Variants in DPP6 observed in about 807,000 individuals in gnomAD.
The protein encoded by DPP6 is dipeptidyl peptidase like 6, also known as A-type potassium channel modulatory protein DPP6.
Under a neutral mutation model 122.6 loss-of-function variants are expected in DPP6, and 69 were observed. The observed-to-expected ratio is 0.56, with a 90% confidence interval of 0.46 to 0.69. The LOEUF is 0.69. Among genes scored for constraint, DPP6 ranks in the 30% least tolerant of loss-of-function variants. The pLI, the probability that DPP6 is intolerant of heterozygous loss-of-function variation, is 0.00. For synonymous variants in DPP6, 418 were observed against 433.1 expected (o/e 0.97, Z 0.43); for missense variants, 928 against 1,116.9 (o/e 0.83, Z 2.41).
chr7:154,203,938 T>C (rs1259070899), intron 1 of DPP6, among the ~76,000 whole-genome samples: 2 of 152,228 alleles, frequency 1.3e-5, no homozygotes, highest in East Asian at 3.8e-4. Flanking sequence ...AGAAAGAGTC[T>C]GTTAAAAATA....
chr7:154,761,229 C>A (rs925232525), intron 8 of DPP6, among the ~76,000 whole-genome samples: 1 of 152,246 alleles, frequency 6.6e-6, no homozygotes, highest in Non-Finnish European at 1.5e-5. Context: ...CTTTCCTCCT[C>A]TGCTCTGCAC....
chr7:153,990,708 C>T (rs1364338366), intron 1 of DPP6, among the ~76,000 whole-genome samples: 2 of 151,956 alleles, frequency 1.3e-5, no homozygotes, highest in African/African-American at 2.4e-5. Flanking sequence ...CCCTCCATGA[C>T]TGTCCCCAGG....
intron 7 of DPP6, among the ~76,000 whole-genome samples, chr7:154,714,943 CTT>C (rs1841394820): frequency 6.6e-6 from 1 of 152,186 alleles, no homozygotes; most frequent in African/African-American, 2.4e-5. Context: ...TGAGAAATAA[CTT>C]GGGATAGGCT....
intron 1 of DPP6, among the ~76,000 whole-genome samples, chr7:154,379,741 A>G (rs1208768416): frequency 6.6e-6 from 1 of 152,214 alleles, no homozygotes; most frequent in African/African-American, 2.4e-5. Flanking sequence ...TTCATGTGTA[A>G]TTTCACAGAT....
intron 5 of DPP6, among the ~76,000 whole-genome samples, chr7:154,585,711 T>G (rs1271954187): frequency 6.6e-6 from 1 of 152,224 alleles, no homozygotes; most frequent in Non-Finnish European, 1.5e-5. Context: ...ACTGTATTGC[T>G]TAGGAAATAA....
chr7:154,558,974 A>G (rs1830230494), intron 4 of DPP6, among the ~76,000 whole-genome samples: 1 of 152,236 alleles, frequency 6.6e-6, no homozygotes, highest in Non-Finnish European at 1.5e-5. Flanking sequence ...AATTAAAAAT[A>G]TCTGGTGTTA....
At chr7:154,306,603 A>T (rs1231828143) in intron 1 of DPP6, among the ~76,000 whole-genome samples, 1 of 152,022 alleles carries the variant, frequency 6.6e-6, no homozygotes, top group East Asian at 1.9e-4. Context: ...TTCCATGCCA[A>T]CTCTTCAGAG....
intron 2 of DPP6, among the ~76,000 whole-genome samples, chr7:154,460,900 A>G (rs73169384): frequency 0.2 from 30,072 of 152,084 alleles, 3,513 homozygotes; most frequent in East Asian, 0.41. Context: ...ATAAAGTATT[A>G]TTGACTGTAG....
intron 1 of DPP6, among the ~76,000 whole-genome samples, chr7:154,242,290 A>G (rs1801670697): frequency 6.6e-6 from 1 of 152,226 alleles, no homozygotes; most frequent in Non-Finnish European, 1.5e-5. Flanking sequence ...ACCGTACTCC[A>G]TAAATAACTA....
chr7:154,741,785 G>A (rs1842831716), intron 8 of DPP6, among the ~76,000 whole-genome samples: 1 of 152,080 alleles, frequency 6.6e-6, no homozygotes, highest in Non-Finnish European at 1.5e-5. Flanking sequence ...TCTTTTATGG[G>A]TCCACTCAGA....
At chr7:154,254,163 C>T (rs948126439) in intron 1 of DPP6, among the ~76,000 whole-genome samples, 3 of 152,122 alleles carry the variant, frequency 2.0e-5, no homozygotes, top group African/African-American at 4.8e-5. Flanking sequence ...TATTATTATC[C>T]CTGTTCTATA....
rs189974548 is a variant in DPP6 at position 154,824,887 on chromosome 7, C to A, written c.1666+17775C>A. On this transcript the variant is annotated intron_variant, in intron 16 of 25. Transcript: ENST00000377770. ...ATATAACGGAGGCCACTGGAGAGAA[C>A]CCCCGGTCTCTGACAGGAACCGTTG... Among the ~76,000 whole-genome samples the A allele has an allele frequency of 3.4e-3, 518 of 152,302 alleles. 1 individual carries two copies. Among genetic ancestry groups the A allele is most frequent in the Non-Finnish European group, 5.5e-3 (374 of 68,026 alleles).
chr7:154,450,008 C>CTAAATAAATAAATAAA (rs66665335), intron 2 of DPP6, among the ~76,000 whole-genome samples: 6 of 138,246 alleles, frequency 4.3e-5, no homozygotes, highest in East Asian at 4.2e-4. Context: ...GACTCCATCT[C>CTAAATAAATAAATAAA]TAAATAAATA....
At position 153,999,953 on chromosome 7, in the gene DPP6, C is replaced by T. The variant is rs189183089; in HGVS notation, c.51+112219C>T. 7.6e-3 allele frequency among the ~76,000 whole-genome samples: 1,144 copies of T among 151,390 alleles called. 13 individuals are homozygous for T. The highest frequency in any genetic ancestry group is 0.012 in the Non-Finnish European group (833 of 67,864). ...CCAGCCTGGGTGACAAAGTGAGACC[C>T]CCATCTCAAAGAAAGAAAGAAAGAA... On this transcript the variant is annotated intron_variant, in intron 1 of 25. Transcript: ENST00000404039.
At chr7:154,401,611 G>A (rs1448725561) in intron 1 of DPP6, among the ~76,000 whole-genome samples, 1 of 152,132 alleles carries the variant, frequency 6.6e-6, no homozygotes, top group Non-Finnish European at 1.5e-5. Flanking sequence ...ATGGATTAAA[G>A]ACTTAAACGT....
At chr7:154,090,616 G>T (rs552665415) in intron 1 of DPP6, among the ~76,000 whole-genome samples, 2 of 151,966 alleles carry the variant, frequency 1.3e-5, no homozygotes, top group Non-Finnish European at 2.9e-5. Flanking sequence ...CCATAGAGGC[G>T]CCTGCAGAGG....
intron 8 of DPP6, among the ~76,000 whole-genome samples, chr7:154,746,283 C>T (rs1843032276): frequency 6.6e-6 from 1 of 152,128 alleles, no homozygotes; most frequent in Non-Finnish European, 1.5e-5. Flanking sequence ...GCATAGTCCC[C>T]AGGGCCTCCT....
chr7:154,213,178 C>T (rs1354071983), intron 1 of DPP6, among the ~76,000 whole-genome samples: 2 of 152,238 alleles, frequency 1.3e-5, no homozygotes, highest in South Asian at 4.2e-4. Context: ...CAAATGTAGA[C>T]GTAATCCAGA....
chr7:154,329,847 C>T (rs1167534656), intron 1 of DPP6, among the ~76,000 whole-genome samples: 6 of 152,108 alleles, frequency 3.9e-5, no homozygotes, highest in Non-Finnish European at 7.4e-5. Context: ...ACTATGCAGC[C>T]ATAAAAAAGA....
Sources: allele counts gnomAD v4.1 joint callset (sites outside exome capture counted in the v4.1 genomes callset), GRCh38; gene constraint gnomAD v4.1.1; transcripts MANE v1.5; gene names NCBI Gene and HGNC (gene_info 2026-07-23, HGNC 2026-07-21).